The following LTBP1 variants were observed in gnomAD, a reference collection of about 807,000 sequenced individuals.
LTBP1 encodes the protein latent transforming growth factor beta binding protein 1, also known as latent-transforming growth factor beta-binding protein 1.
In LTBP1, 129 loss-of-function variants were observed where a neutral mutation model predicts 207.6. That is an observed-to-expected ratio of 0.62 (90% confidence interval 0.54 to 0.72). LTBP1 has a LOEUF of 0.72. LTBP1 is among the 30% of genes least tolerant of loss of function. The pLI is 0.00. For synonymous variants in LTBP1, 963 were observed against 833.7 expected, an observed-to-expected ratio of 1.16 and a Z score of -2.67; for missense variants, 2,281 against 2,217.2, an observed-to-expected ratio of 1.03 and a Z score of -0.58.
At chr2:33,305,857 G>A (rs2094081358) in intron 22 of LTBP1, among the ~76,000 whole-genome samples, 1 of 152,168 alleles carries the variant, frequency 6.6e-6, no homozygotes, top group Non-Finnish European at 1.5e-5. Context: ...GATGGATTGT[G>A]TCAAATGTTA....
At position 33,361,508 on chromosome 2, in the gene LTBP1, C is replaced by G; in HGVS notation, c.4263C>G (p.Asn1421Lys). Residue 1421 changes from asparagine to lysine, a missense_variant, in exon 28 of 34, where the codon AAC becomes AAG. Asn to Lys is a moderately conservative substitution (Grantham distance 94, BLOSUM62 0). Transcript: ENST00000404816. ...CATCTTCTGAAGCTGGTGGTGAGAA[C>G]TATAAAGGTCAGAATCAAGTGGAAA... ...GESSSEAGGE[N>K]YKDADECLLF... 1.2e-6 allele frequency: 2 copies of G among 1,611,000 alleles called. No individual in the cohort carries two copies. Among genetic ancestry groups the G allele is most frequent in the Non-Finnish European group, 1.7e-6 (2 of 1,178,478 alleles).
chr2:33,136,243 G>A (rs1262447111), intron 5 of LTBP1, among the ~76,000 whole-genome samples: 1 of 152,204 alleles, frequency 6.6e-6, no homozygotes, highest in Non-Finnish European at 1.5e-5. Context: ...GTGCCAAATG[G>A]CACATTATGC....
intron 24 of LTBP1, among the ~76,000 whole-genome samples, chr2:33,327,630 A>G (rs1273868356): frequency 6.6e-6 from 1 of 152,214 alleles, no homozygotes; most frequent in East Asian, 1.9e-4. Context: ...GGGTATTAGA[A>G]TGTCTTCCAA....
chr2:33,298,472 C>T (rs1490563020), intron 20 of LTBP1, among the ~76,000 whole-genome samples: 1 of 152,174 alleles, frequency 6.6e-6, no homozygotes, highest in South Asian at 2.1e-4. Flanking sequence ...GATTCCAAAG[C>T]ACTAAAAATG....
At chr2:33,260,621 A>G (rs2092984865) in intron 13 of LTBP1, among the ~76,000 whole-genome samples, 1 of 152,250 alleles carries the variant, frequency 6.6e-6, no homozygotes, top group Non-Finnish European at 1.5e-5. Flanking sequence ...TTGGAGTGAT[A>G]GCACTCGTCC....
intron 3 of LTBP1, among the ~76,000 whole-genome samples, chr2:33,109,122 T>TC (rs1188692435): frequency 6.6e-6 from 1 of 152,234 alleles, no homozygotes; most frequent in Non-Finnish European, 1.5e-5. Context: ...TTCTATTCCT[T>TC]TATCTCTCAT....
rs1325301150 is a variant in LTBP1, at chr2:33,179,637, GTTTTAAGTTAAAAC to G, written c.1202-7213_1202-7200del. On this transcript the variant is annotated intron_variant, in intron 5 of 33. Transcript: ENST00000404816. Reference sequence around the variant, plus strand: ...TTCATAATGATTATATATTTAGTGAGTTTTAAGTTAAAACTTTTAGAAATTTAATTAGAATCTGG... The same window carrying G: ...TTCATAATGATTATATATTTAGTGAGTTTTAGAAATTTAATTAGAATCTGG... 6.4e-5 allele frequency among the ~76,000 whole-genome samples: 9 copies of G among 140,390 alleles called. 2 individuals carry two copies. The highest frequency in any genetic ancestry group is 3.0e-4 in the African/African-American group (9 of 30,428). 92.1% of individuals were successfully genotyped at this position (140,390 alleles called of 152,430 possible).
At chr2:33,352,917 C>G (rs954200404) in intron 26 of LTBP1, among the ~76,000 whole-genome samples, 9 of 151,088 alleles carry the variant, frequency 6.0e-5, no homozygotes, top group Admixed American at 3.3e-4. Context: ...AAGATGATGA[C>G]TTTGCCACTA....
chr2:33,229,202 G>T (rs2091645275), intron 9 of LTBP1, among the ~76,000 whole-genome samples: 1 of 152,156 alleles, frequency 6.6e-6, no homozygotes, highest in Admixed American at 6.5e-5. Flanking sequence ...AGATGTAATG[G>T]CTCATGCCTG....
intron 2 of LTBP1, among the ~76,000 whole-genome samples, chr2:32,983,957 C>T (rs1432179164): frequency 2.6e-5 from 4 of 152,162 alleles, no homozygotes; most frequent in African/African-American, 4.8e-5. Flanking sequence ...GAACATAAAG[C>T]CAGATTGTTA....
At chr2:33,168,971 T>A (rs866750804) in intron 5 of LTBP1, among the ~76,000 whole-genome samples, 34 of 152,122 alleles carry the variant, frequency 2.2e-4, no homozygotes, top group African/African-American at 8.0e-4. Flanking sequence ...GCATAGAAAA[T>A]AGAGGCCTTG....
At chr2:33,355,521 T>G (rs1039139515) in intron 26 of LTBP1, among the ~76,000 whole-genome samples, 1 of 152,220 alleles carries the variant, frequency 6.6e-6, no homozygotes, top group Non-Finnish European at 1.5e-5. Flanking sequence ...ATGTTTTTTA[T>G]TTTTTCAAAT....
chr2:32,960,741 G>T (rs553780122), intron 2 of LTBP1, among the ~76,000 whole-genome samples: 42 of 152,284 alleles, frequency 2.8e-4, no homozygotes, highest in African/African-American at 1.0e-3. Flanking sequence ...GACATGTGAG[G>T]CCTGTGTGAT....
At chr2:33,081,327 G>A (rs2078383451) in intron 3 of LTBP1, among the ~76,000 whole-genome samples, 1 of 152,078 alleles carries the variant, frequency 6.6e-6, no homozygotes, top group African/African-American at 2.4e-5. Context: ...TTTTGGGGTA[G>A]CCTGTCCTAA....
intron 5 of LTBP1, among the ~76,000 whole-genome samples, chr2:33,160,325 C>T (rs1183359006): frequency 1.3e-5 from 2 of 152,114 alleles, no homozygotes; most frequent in Non-Finnish European, 2.9e-5. Context: ...GTGGATGAAT[C>T]GCAAAACTTG....
intron 3 of LTBP1, among the ~76,000 whole-genome samples, chr2:33,054,923 G>C (rs1238890664): frequency 6.6e-6 from 1 of 152,128 alleles, no homozygotes; most frequent in East Asian, 1.9e-4. Flanking sequence ...CGGCATAGTG[G>C]ACATGGACGA....
At chr2:33,301,420 T>C in intron 21 of LTBP1, 102 bp from the exon 22 acceptor site, 1 of 1,350,980 alleles carries the variant, frequency 7.4e-7, no homozygotes, top group Non-Finnish European at 9.9e-7. Context: ...ATTACTTGTA[T>C]CAACATTGTC....
At position 32,978,539 on chromosome 2, in the gene LTBP1, G is replaced by A. The variant is rs116380814; in HGVS notation, c.565+29594G>A. ...TATGTTGAACCATCCTTGCAACCCC[G>A]GGATAAGTCCCACTTGGTCATGATG... On this transcript the variant is annotated intron_variant, in intron 2 of 33. Transcript: ENST00000404816. Among the ~76,000 whole-genome samples, 1,311 of 152,004 alleles carry A rather than the reference G, an allele frequency of 8.6e-3. 16 individuals are homozygous for A. The highest frequency in any genetic ancestry group is 0.029 in the African/African-American group (1,196 of 41,438).
At chr2:33,138,930 C>T (rs1171071933) in intron 5 of LTBP1, among the ~76,000 whole-genome samples, 1 of 133,830 alleles carries the variant, frequency 7.5e-6, no homozygotes, top group Non-Finnish European at 1.5e-5. Flanking sequence ...GCGATCTCGG[C>T]TCACTGCAAG....
Sources: allele counts gnomAD v4.1 joint callset (sites outside exome capture counted in the v4.1 genomes callset), GRCh38; gene constraint gnomAD v4.1.1; transcripts MANE v1.5; gene names NCBI Gene and HGNC (gene_info 2026-07-23, HGNC 2026-07-21).